AGAP1: variants seen among roughly 807,000 people sequenced by gnomAD.
AGAP1 encodes arf-GAP with GTPase, ANK repeat and PH domain-containing protein 1.
A neutral mutation model predicts 105.3 loss-of-function variants in AGAP1; 29 were observed. The observed-to-expected ratio is 0.28, with a 90% CI of 0.21 to 0.38. AGAP1 has a LOEUF of 0.38. Ranked by LOEUF, AGAP1 falls within the 10% of genes least tolerant of loss-of-function variation. The pLI, the probability that AGAP1 is intolerant of heterozygous loss-of-function variation, is 1.00. For synonymous variants in AGAP1, 509 were observed against 485.9 expected, an observed-to-expected ratio of 1.05 and a Z score of -0.63; for missense variants, 998 against 1,165.1, an observed-to-expected ratio of 0.86 and a Z score of 2.09.
chr2:235,918,593 A>G (rs1288826724), intron 11 of AGAP1, among the ~76,000 whole-genome samples: 1 of 152,220 alleles, frequency 6.6e-6, no homozygotes, highest in Non-Finnish European at 1.5e-5. Flanking sequence ...TATTGTTTCC[A>G]TCATTAAATT....
At chr2:235,813,173 C>G (rs1422474174) in intron 9 of AGAP1, among the ~76,000 whole-genome samples, 1 of 152,250 alleles carries the variant, frequency 6.6e-6, no homozygotes, top group Non-Finnish European at 1.5e-5. Context: ...ACACCCTCCC[C>G]TACATCCCCG....
rs988246744 is a variant in AGAP1, at chr2:235,919,896, A to G, written c.1325-10869A>G. ...TTGTCCATATAACCCATACCAGGAG[A>G]TGGATTGTGGCCAAGACAAGCCGTA... On this transcript the variant is annotated intron_variant, in intron 11 of 17. Transcript: ENST00000304032. This position sits in a 1 kb window ranked among gnomAD's most constrained non-coding sequence, Gnocchi z 4.1. Among the ~76,000 whole-genome samples, 1 of 152,078 alleles carries G rather than the reference A, an allele frequency of 6.6e-6. No individual in the cohort carries two copies. Among genetic ancestry groups the G allele is most frequent in the Non-Finnish European group, 1.5e-5 (1 of 68,030 alleles).
chr2:235,802,992 A>G (rs1450329575), intron 8 of AGAP1, among the ~76,000 whole-genome samples: 14 of 108,780 alleles, frequency 1.3e-4, no homozygotes, highest in South Asian at 3.2e-4. Flanking sequence ...GATGGTTGTG[A>G]TGGTGGTGAT....
Position 235,900,408 on chromosome 2 carries a change from CTCCCTCTGG to C in AGAP1, c.1156-8329_1156-8321del. Among the ~76,000 whole-genome samples, 1 of 145,314 alleles carries C rather than the reference CTCCCTCTGG, an allele frequency of 6.9e-6. No individual in the cohort carries two copies. The highest frequency in any genetic ancestry group is 2.5e-5 in the African/African-American group (1 of 39,234). On this transcript the variant is annotated intron_variant, in intron 10 of 17. Coordinates refer to ENST00000304032, the MANE Select transcript of AGAP1 (RefSeq NM_001037131.3). The surrounding 1 kb of genome is among the most constrained non-coding windows in gnomAD (Gnocchi z 5.5). ...TTGTTGTGTCTCGGTGGCAGCATTT[CTCCCTCTGG>C]AACTAAGACCCCTAGGCCAGCAGAA...
At chr2:235,969,914 A>G (rs976202170) in intron 13 of AGAP1, among the ~76,000 whole-genome samples, 12 of 151,994 alleles carry the variant, frequency 7.9e-5, no homozygotes, top group African/African-American at 2.9e-4. Context: ...ATAAAAACTG[A>G]TTTTTCGTCG....
intron 11 of AGAP1, among the ~76,000 whole-genome samples, chr2:235,925,889 C>G (rs778036883): frequency 1.3e-5 from 2 of 152,222 alleles, no homozygotes; most frequent in Non-Finnish European, 2.9e-5. Context: ...CAGCTTGTTT[C>G]ACAAATGAGA....
intron 1 of AGAP1, among the ~76,000 whole-genome samples, chr2:235,686,419 C>G (rs1030357808): frequency 6.6e-6 from 1 of 151,574 alleles, no homozygotes; most frequent in African/African-American, 2.4e-5. Context: ...AATAAAAACT[C>G]TAACATCACC....
rs1318950283 is a variant in AGAP1, at chr2:236,076,153, T to A, written c.2114+26872T>A. Among the ~76,000 whole-genome samples the A allele has an allele frequency of 6.6e-6, 1 of 152,088 alleles. No homozygotes were observed. Among genetic ancestry groups the A allele is most frequent in the African/African-American group, 2.4e-5 (1 of 41,428 alleles). ...GTTTCACAAGAGAATATTGTGGAGT[T>A]TTTTAAAGTCTTGAGGCGGGGCGCC... is the stretch of plus-strand genomic sequence containing the variant. On this transcript the variant is annotated intron_variant, in intron 16 of 17. Transcript: ENST00000304032. The surrounding 1 kb of genome is among the most constrained non-coding windows in gnomAD (Gnocchi z 4.4).
chr2:235,586,310 C>T lies in AGAP1; in HGVS notation c.163+91461C>T, dbSNP rs967907416. ...CAGACCACCCACTTTGCCCTCTGCACGCTCACTCCACGAAGGATGCAGGTG... is the reference window on the plus strand; with the variant it reads ...CAGACCACCCACTTTGCCCTCTGCATGCTCACTCCACGAAGGATGCAGGTG... On this transcript the variant is annotated intron_variant, in intron 1 of 17. Transcript: ENST00000304032. The surrounding 1 kb of genome is among the most constrained non-coding windows in gnomAD (Gnocchi z 4.2). Among the ~76,000 whole-genome samples the T allele has an allele frequency of 7.9e-5, 12 of 152,198 alleles. No homozygotes were observed. Among genetic ancestry groups the T allele is most frequent in the South Asian group, 2.1e-4 (1 of 4,828 alleles).
intron 1 of AGAP1, among the ~76,000 whole-genome samples, chr2:235,511,997 TGC>T (rs200318105): frequency 7.0e-5 from 5 of 71,688 alleles, no homozygotes; most frequent in East Asian, 7.4e-4. Flanking sequence ...CGTGTGTGAA[TGC>T]GTGTGTGACT....
chr2:235,683,081 C>G (rs1949175263), intron 1 of AGAP1, among the ~76,000 whole-genome samples: 1 of 152,042 alleles, frequency 6.6e-6, no homozygotes, highest in South Asian at 2.1e-4. Flanking sequence ...CCGAGGTGGG[C>G]AGATCACTTG....
intron 1 of AGAP1, among the ~76,000 whole-genome samples, chr2:235,523,604 T>G (rs1034051756): frequency 6.6e-5 from 10 of 152,146 alleles, no homozygotes; most frequent in Admixed American, 5.2e-4. Flanking sequence ...AAAGCTGATT[T>G]TGAGTAAGGC....
At chr2:235,640,391 C>T (rs1298812197) in intron 1 of AGAP1, among the ~76,000 whole-genome samples, 1 of 152,206 alleles carries the variant, frequency 6.6e-6, no homozygotes, top group Non-Finnish European at 1.5e-5. Context: ...GGAGGCTGGC[C>T]CAACCCAGGT....
chr2:235,889,145 T>C lies in AGAP1; in HGVS notation c.1155+5696T>C, dbSNP rs946141623. Among the ~76,000 whole-genome samples the C allele has an allele frequency of 2.0e-5, 3 of 152,192 alleles. No homozygotes were observed. Among genetic ancestry groups the C allele is most frequent in the Non-Finnish European group, 4.4e-5 (3 of 68,042 alleles). ...GACAGATGTTTTCCACACATCGGTG[T>C]GTTCGAAAATAAACCCAGCTCTTGG... On this transcript the variant is annotated intron_variant, in intron 10 of 17. Transcript: ENST00000304032. This position sits in a 1 kb window ranked among gnomAD's most constrained non-coding sequence, Gnocchi z 4.6.
rs1252134295 is a variant in AGAP1, at chr2:235,535,713, C to G, written c.163+40864C>G. Among the ~76,000 whole-genome samples, 1 of 152,020 alleles carries G rather than the reference C, an allele frequency of 6.6e-6. No homozygotes were observed. The highest frequency in any genetic ancestry group is 1.9e-4 in the East Asian group (1 of 5,156). ...CTCACTTTCATTTTCTATAGAAAAG[C>G]CTTTCTGCCGCCTTTCACAAAACTT... On this transcript the variant is annotated intron_variant, in intron 1 of 17. Transcript: ENST00000304032. This position sits in a 1 kb window ranked among gnomAD's most constrained non-coding sequence, Gnocchi z 5.1.
At chr2:235,685,125 GTTC>G (rs1949311233) in intron 1 of AGAP1, among the ~76,000 whole-genome samples, 1 of 152,104 alleles carries the variant, frequency 6.6e-6, no homozygotes, top group African/African-American at 2.4e-5. Flanking sequence ...TGCCCAGAGG[GTTC>G]TTCTTTGCCT....
At chr2:235,523,326 G>A (rs1361363026) in intron 1 of AGAP1, among the ~76,000 whole-genome samples, 1 of 152,172 alleles carries the variant, frequency 6.6e-6, no homozygotes, top group Admixed American at 6.5e-5. Flanking sequence ...ACAGGGTGAG[G>A]GTGCAGTTCT....
At chr2:236,052,023 A>AC (rs1045930637) in intron 16 of AGAP1, among the ~76,000 whole-genome samples, 8 of 151,630 alleles carry the variant, frequency 5.3e-5, no homozygotes, top group African/African-American at 1.7e-4. Flanking sequence ...TTTCGAAGCC[A>AC]CCCCCGCTCC....
At chr2:235,772,060 A>G (rs142902065) in intron 6 of AGAP1, among the ~76,000 whole-genome samples, 241 of 137,636 alleles carry the variant, frequency 1.8e-3, no homozygotes, top group Middle Eastern at 4.1e-3. Flanking sequence ...CAGTGGTGCG[A>G]TCTTGGCTTA....
Sources: gnomAD v4.1 joint callset for allele counts (sites outside exome capture counted in the v4.1 genomes callset) on GRCh38, gnomAD v4.1.1 for gene constraint, Gnocchi (gnomAD v3.1) non-coding constraint, MANE v1.5 for transcripts, NCBI Gene and HGNC (gene_info 2026-07-23, HGNC 2026-07-21) for gene names.